SLC2A9: variants seen among roughly 807,000 people sequenced by gnomAD.
SLC2A9 encodes solute carrier family 2, facilitated glucose transporter member 9.
Under a neutral mutation model 50.6 loss-of-function variants are expected in SLC2A9, and 39 were observed. The ratio of observed to expected loss-of-function variants is 0.77; its 90% CI spans 0.60 to 1.01. The LOEUF (loss-of-function observed/expected upper bound fraction) is 1.01. SLC2A9 is among the 50% of genes least tolerant of loss of function. The probability of loss-of-function intolerance (pLI) is 0.00; values close to 1 mark genes in which losing one functional copy is unlikely to be tolerated. For missense variants in SLC2A9, 686 were observed against 677.6 expected, an observed-to-expected ratio of 1.01 and a Z score of -0.14; for synonymous variants, 324 against 276.9, an observed-to-expected ratio of 1.17 and a Z score of -1.69.
At position 10,011,310 on chromosome 4, in the gene SLC2A9, G is replaced by A. The variant is rs556216366; in HGVS notation, c.249+7665C>T. On this transcript the variant is annotated intron_variant, in intron 2 of 11. Transcript: ENST00000264784. ...CTGTCTGCCCATTTCAGTCCCCAGA[G>A]AATGTCCCTTGGGGCTCAGAACCCC... Among the ~76,000 whole-genome samples the A allele has an allele frequency of 1.8e-3, 272 of 152,216 alleles. 1 individual carries two copies. The highest frequency in any genetic ancestry group is 6.3e-3 in the African/African-American group (260 of 41,516).
intron 3 of SLC2A9, among the ~76,000 whole-genome samples, chr4:9,811,724 C>G (rs961258213): frequency 6.6e-6 from 1 of 152,084 alleles, no homozygotes; most frequent in Non-Finnish European, 1.5e-5. Context: ...GTTGTTTTTT[C>G]AAGCCACTAA....
intron 10 of SLC2A9, among the ~76,000 whole-genome samples, chr4:9,855,075 C>T (rs1730523191): frequency 6.6e-6 from 1 of 152,148 alleles, no homozygotes; most frequent in Admixed American, 6.5e-5. Flanking sequence ...ACTCTTACCA[C>T]TCCTATTCAA....
chr4:9,962,019 C>A (rs1187203028), intron 5 of SLC2A9, among the ~76,000 whole-genome samples: 1 of 152,168 alleles, frequency 6.6e-6, no homozygotes, highest in Non-Finnish European at 1.5e-5. Flanking sequence ...CAGTGAGATA[C>A]CAATCTCATG....
At chr4:9,795,955 C>T (rs1720547925), downstream of SLC2A9, among the ~76,000 whole-genome samples, 1 of 152,154 alleles carries the variant, frequency 6.6e-6, no homozygotes, top group Admixed American at 6.5e-5. Context: ...ATTTACTGTC[C>T]CAACAAATCC....
chr4:9,969,256 A>G (rs1753516058), intron 5 of SLC2A9, among the ~76,000 whole-genome samples: 1 of 152,172 alleles, frequency 6.6e-6, no homozygotes, highest in African/African-American at 2.4e-5. Flanking sequence ...TAAAATGGTA[A>G]TAAAACTCTT....
At chr4:9,779,071 C>T (rs1232669576), downstream of SLC2A9, among the ~76,000 whole-genome samples, 1 of 152,028 alleles carries the variant, frequency 6.6e-6, no homozygotes, top group African/African-American at 2.4e-5. Context: ...TGGCTGGTCT[C>T]ATCACACTTT....
chr4:9,969,607 G>C (rs1165488023), intron 5 of SLC2A9, among the ~76,000 whole-genome samples: 2 of 152,110 alleles, frequency 1.3e-5, no homozygotes, highest in African/African-American at 4.8e-5. Context: ...ACCTGAGACT[G>C]GGTAATTTAT....
At chr4:10,016,530 G>A (rs1468749274) in intron 2 of SLC2A9, among the ~76,000 whole-genome samples, 1 of 151,976 alleles carries the variant, frequency 6.6e-6, no homozygotes, top group African/African-American at 2.4e-5. Context: ...TCTTAAGAAC[G>A]GTAAAGGCCA....
chr4:9,884,709 C>T (rs1474916751), intron 10 of SLC2A9, among the ~76,000 whole-genome samples: 4 of 152,152 alleles, frequency 2.6e-5, no homozygotes, highest in Admixed American at 1.3e-4. Context: ...ATTATAAAGA[C>T]ACATGCATGC....
At chr4:9,793,449 C>G (rs537150416) in intron 3 of SLC2A9, among the ~76,000 whole-genome samples, 2 of 152,302 alleles carry the variant, frequency 1.3e-5, no homozygotes, top group South Asian at 4.1e-4. Context: ...GGAGCACAAA[C>G]AAGTTCATGC....
intron 10 of SLC2A9, among the ~76,000 whole-genome samples, chr4:9,852,245 T>A (rs375428781): frequency 0.023 from 2,417 of 103,276 alleles, 26 homozygotes; most frequent in Middle Eastern, 0.067. Flanking sequence ...ATATCCAGTA[T>A]TCTTTTTTTT....
chr4:9,865,339 A>G (rs1009375398), intron 10 of SLC2A9, among the ~76,000 whole-genome samples: 2 of 152,246 alleles, frequency 1.3e-5, no homozygotes. Flanking sequence ...TGAAGTCGAG[A>G]GACCCTGTCA....
Position 9,941,952 on chromosome 4 carries a change from G to A in SLC2A9, c.775C>T (p.Leu259=), listed in dbSNP as rs766028978. The A allele has an allele frequency of 2.5e-6, 4 of 1,614,076 alleles. No homozygotes were observed. The African/African-American group carries it at 5.3e-5, about 22-fold the overall frequency. ...LPFLPDSPRY[L]LLEKHNEARA... is the part of the protein sequence containing the mutation. ...GCCTCGTTGTGCTTCTCCAAGAGCAGGTAGCGTGGGCTGTCCGGGAGAAAG... is the reference window on the plus strand; with the variant it reads ...GCCTCGTTGTGCTTCTCCAAGAGCAAGTAGCGTGGGCTGTCCGGGAGAAAG... The change falls in exon 6 of 12, where the codon CTG becomes TTG. Residue 259 remains leucine, a synonymous_variant. Coordinates refer to ENST00000264784, the MANE Select transcript of SLC2A9 (RefSeq NM_020041.3).
At chr4:9,949,334 C>G (rs1434224315) in intron 5 of SLC2A9, among the ~76,000 whole-genome samples, 1 of 152,170 alleles carries the variant, frequency 6.6e-6, no homozygotes, top group African/African-American at 2.4e-5. Context: ...GATGCTCCAG[C>G]TAGATACAGA....
At chr4:9,847,246 A>G (rs1729129853) in intron 10 of SLC2A9, among the ~76,000 whole-genome samples, 1 of 152,222 alleles carries the variant, frequency 6.6e-6, no homozygotes, top group African/African-American at 2.4e-5. Context: ...GAGGAAACTT[A>G]TGATCATGGT....
intron 5 of SLC2A9, among the ~76,000 whole-genome samples, chr4:9,964,202 C>A (rs573148524): frequency 1.7e-3 from 256 of 152,136 alleles, no homozygotes; most frequent in Non-Finnish European, 3.1e-3. Context: ...TTATACATGT[C>A]GTGTAGGTTT....
At chr4:9,877,338 G>A (rs534697161) in intron 10 of SLC2A9, among the ~76,000 whole-genome samples, 4 of 152,364 alleles carry the variant, frequency 2.6e-5, no homozygotes, top group Non-Finnish European at 2.9e-5. Flanking sequence ...TCTTGGGGCA[G>A]TGCAGGCTGG....
intron 10 of SLC2A9, among the ~76,000 whole-genome samples, chr4:9,849,060 A>G (rs1036831714): frequency 6.6e-5 from 10 of 152,076 alleles, no homozygotes; most frequent in Non-Finnish European, 1.3e-4. Flanking sequence ...GTTCAGTGAG[A>G]GCCTGGGCTG....
intron 10 of SLC2A9, among the ~76,000 whole-genome samples, chr4:9,874,140 T>G (rs1255784425): frequency 1.3e-5 from 2 of 152,168 alleles, no homozygotes; most frequent in East Asian, 1.9e-4. Context: ...TGTCCTAGGC[T>G]TCCATTAGCA....
Sources: gnomAD v4.1 joint callset for allele counts (sites outside exome capture counted in the v4.1 genomes callset) on GRCh38, gnomAD v4.1.1 for gene constraint, MANE v1.5 for transcripts, NCBI Gene and HGNC (gene_info 2026-07-23, HGNC 2026-07-21) for gene names.